EYS: variants seen among roughly 807,000 people sequenced by gnomAD.
The protein encoded by EYS is EGF-like photoreceptor maintenance factor.
EYS carries 250 observed loss-of-function variants against 282.1 expected under a neutral mutation model. The ratio of observed to expected loss-of-function variants is 0.89; its 90% CI spans 0.80 to 0.98. The LOEUF is 0.98. Ranked by LOEUF, EYS falls within the 50% of genes least tolerant of loss-of-function variation. The pLI is 0.00. For synonymous variants in EYS, 1,355 were observed against 1,282.9 expected (o/e 1.06, Z -1.20); for missense variants, 4,016 against 3,709.0 (o/e 1.08, Z -2.15).
intron 30 of EYS, among the ~76,000 whole-genome samples, chr6:64,240,107 G>C (rs76799872): frequency 0.31 from 46,960 of 151,358 alleles, 7,136 homozygotes; most frequent in East Asian, 0.51. Context: ...TGTTCCATTG[G>C]TCTATATCTC....
intron 1 of EYS, among the ~76,000 whole-genome samples, chr6:65,667,267 C>T (rs985065952): frequency 6.6e-6 from 1 of 151,814 alleles, no homozygotes; most frequent in Non-Finnish European, 1.5e-5. Flanking sequence ...CAAATTCTTC[C>T]ACTGTGCTTA....
chr6:65,378,014 A>G (rs1765444259), intron 8 of EYS, among the ~76,000 whole-genome samples: 1 of 152,150 alleles, frequency 6.6e-6, no homozygotes, highest in African/African-American at 2.4e-5. Flanking sequence ...AAACTATTCT[A>G]AACAATAGAT....
At chr6:64,546,903 G>A (rs1025236555) in intron 26 of EYS, among the ~76,000 whole-genome samples, 9 of 152,154 alleles carry the variant, frequency 5.9e-5, no homozygotes, top group Admixed American at 5.9e-4. Context: ...GGAGAAATAG[G>A]AACATTTTTA....
intron 26 of EYS, among the ~76,000 whole-genome samples, chr6:64,562,012 T>C (rs910170831): frequency 2.0e-5 from 3 of 150,582 alleles, no homozygotes; most frequent in African/African-American, 4.9e-5. Context: ...AAGGCAACAG[T>C]AACCAAAACA....
At chr6:64,327,904 G>A (rs878967892) in intron 29 of EYS, among the ~76,000 whole-genome samples, 1 of 152,130 alleles carries the variant, frequency 6.6e-6, no homozygotes, top group Admixed American at 6.5e-5. Context: ...ATGCAGAGAG[G>A]AGCCAGAGCC....
chr6:64,183,151 C>T (rs755343306), intron 31 of EYS, among the ~76,000 whole-genome samples: 12 of 152,156 alleles, frequency 7.9e-5, no homozygotes, highest in South Asian at 2.1e-4. Flanking sequence ...TCCCTCCTGC[C>T]ACGATGTGAA....
intron 12 of EYS, among the ~76,000 whole-genome samples, chr6:65,169,463 T>C (rs945528573): frequency 2.0e-5 from 3 of 151,514 alleles, no homozygotes; most frequent in African/African-American, 7.3e-5. Context: ...TTTTTAAATG[T>C]TTACATTTTA....
chr6:64,868,179 ATTTG>A (rs1478182058), intron 19 of EYS, among the ~76,000 whole-genome samples: 4 of 151,444 alleles, frequency 2.6e-5, no homozygotes, highest in Non-Finnish European at 4.4e-5. Context: ...TGATGTTAGT[ATTTG>A]TTTGTTTATT....
At chr6:63,859,024 G>T (rs1772464251) in intron 36 of EYS, among the ~76,000 whole-genome samples, 1 of 130,826 alleles carries the variant, frequency 7.6e-6, no homozygotes, top group Non-Finnish European at 1.6e-5. Flanking sequence ...CACCATCTTA[G>T]AAAAATTCTT....
At chr6:65,218,475 AC>A (rs1310867470) in intron 12 of EYS, among the ~76,000 whole-genome samples, 1 of 152,096 alleles carries the variant, frequency 6.6e-6, no homozygotes, top group Non-Finnish European at 1.5e-5. Flanking sequence ...CTTCAGCAAA[AC>A]AAAAACAAAA....
intron 12 of EYS, among the ~76,000 whole-genome samples, chr6:65,189,692 CAGTT>C (rs1765596874): frequency 6.6e-6 from 1 of 151,676 alleles, no homozygotes; most frequent in Admixed American, 6.6e-5. Context: ...TCTTAGATCA[CAGTT>C]GGTTAGTTGT....
chr6:64,215,328 G>A (rs1297496770), intron 31 of EYS, among the ~76,000 whole-genome samples: 1 of 139,006 alleles, frequency 7.2e-6, no homozygotes, highest in Middle Eastern at 3.8e-3. Context: ...TTTTTCAAGT[G>A]TATTTGTAAA....
intron 20 of EYS, 89 bp from the exon 21 acceptor site, chr6:64,821,812 C>T (rs1377450778): frequency 2.6e-6 from 2 of 758,762 alleles, no homozygotes; most frequent in Non-Finnish European, 4.2e-6. Flanking sequence ...CTTTTCTTTC[C>T]TAGTTCAGGT....
chr6:64,999,044 T>C (rs1771369048), intron 13 of EYS, among the ~76,000 whole-genome samples: 1 of 152,148 alleles, frequency 6.6e-6, no homozygotes, highest in South Asian at 2.1e-4. Flanking sequence ...TGGAAACAGA[T>C]TGTTAAAAAA....
chr6:63,754,135 C>T (rs778987639), intron 41 of EYS, among the ~76,000 whole-genome samples: 1 of 152,030 alleles, frequency 6.6e-6, no homozygotes, highest in Non-Finnish European at 1.5e-5. Flanking sequence ...CAAACTTTTG[C>T]CTGGTCTTAA....
At chr6:64,337,898 A>T (rs996682426) in intron 29 of EYS, among the ~76,000 whole-genome samples, 3 of 152,100 alleles carry the variant, frequency 2.0e-5, no homozygotes, top group African/African-American at 7.2e-5. Flanking sequence ...ATCTCAATAG[A>T]TGCAGAGAAA....
intron 26 of EYS, among the ~76,000 whole-genome samples, chr6:64,560,259 T>C (rs954203701): frequency 1.4e-4 from 21 of 152,064 alleles, no homozygotes; most frequent in African/African-American, 4.6e-4. Flanking sequence ...TGTAGAAATT[T>C]ATTTTTTATG....
chr6:64,743,245 C>T (rs1772434464), intron 22 of EYS, among the ~76,000 whole-genome samples: 1 of 151,762 alleles, frequency 6.6e-6, no homozygotes, highest in Non-Finnish European at 1.5e-5. Context: ...TTTTTTGAAC[C>T]TTACTGGTAG....
At chr6:64,262,053 C>T (rs1767608412) in intron 30 of EYS, among the ~76,000 whole-genome samples, 1 of 152,048 alleles carries the variant, frequency 6.6e-6, no homozygotes, top group Non-Finnish European at 1.5e-5. Context: ...CTGTGCCAGG[C>T]TACTGTATTC....
Sources: gnomAD v4.1 joint callset for allele counts (sites outside exome capture counted in the v4.1 genomes callset) on GRCh38, gnomAD v4.1.1 for gene constraint, MANE v1.5 for transcripts, NCBI Gene and HGNC (gene_info 2026-07-23, HGNC 2026-07-21) for gene names.